CAMK1D: variants seen among roughly 807,000 people sequenced by gnomAD.
CAMK1D encodes the protein calcium/calmodulin dependent protein kinase ID.
CAMK1D carries 9 observed loss-of-function variants against 47.7 expected under a neutral mutation model. That is an observed-to-expected ratio of 0.19 (90% CI 0.11 to 0.33). CAMK1D has a LOEUF of 0.33. Among genes scored for constraint, CAMK1D ranks in the 10% least tolerant of loss-of-function variants. The pLI is 1.00. For synonymous variants in CAMK1D, 184 were observed against 184.9 expected (o/e 0.99, Z 0.04); for missense variants, 291 against 488.7 (o/e 0.60, Z 3.81).
intron 1 of CAMK1D, among the ~76,000 whole-genome samples, chr10:12,362,702 C>T (rs994247121): frequency 2.0e-5 from 3 of 152,148 alleles, no homozygotes; most frequent in Admixed American, 6.6e-5. Flanking sequence ...AGTAGAGACC[C>T]GGTTTCACCG....
chr10:12,603,552 A>C (rs1046921231), intron 2 of CAMK1D, among the ~76,000 whole-genome samples: 2 of 152,098 alleles, frequency 1.3e-5, no homozygotes, highest in Non-Finnish European at 2.9e-5. Flanking sequence ...CCTCCAGTCC[A>C]TCCTGTGCTA....
intron 2 of CAMK1D, among the ~76,000 whole-genome samples, chr10:12,599,345 G>T (rs796238276): frequency 4.6e-5 from 7 of 152,236 alleles, no homozygotes; most frequent in African/African-American, 1.7e-4. Flanking sequence ...TGTAGGTTCT[G>T]GTGGAATAAG....
intron 5 of CAMK1D, among the ~76,000 whole-genome samples, chr10:12,772,912 C>G (rs957843294): frequency 6.6e-6 from 1 of 152,104 alleles, no homozygotes; most frequent in Non-Finnish European, 1.5e-5. Flanking sequence ...ATCTAGAGGA[C>G]ATCCCTTAGG....
chr10:12,753,105 A>G (rs1422425989), intron 3 of CAMK1D, among the ~76,000 whole-genome samples: 1 of 152,024 alleles, frequency 6.6e-6, no homozygotes, highest in African/African-American at 2.4e-5. Context: ...TACAAAAATT[A>G]GCTGGGCATG....
At chr10:12,594,930 G>A (rs1476559851) in intron 2 of CAMK1D, among the ~76,000 whole-genome samples, 2 of 152,148 alleles carry the variant, frequency 1.3e-5, no homozygotes, top group African/African-American at 4.8e-5. Flanking sequence ...GCGGAAAGCA[G>A]AAATGATTCC....
At chr10:12,486,202 A>G (rs1001120636) in intron 1 of CAMK1D, among the ~76,000 whole-genome samples, 1 of 150,104 alleles carries the variant, frequency 6.7e-6, no homozygotes, top group African/African-American at 2.5e-5. Context: ...TCTGTCACCC[A>G]GGCTGGAGTA....
chr10:12,511,610 C>CA (rs1333200368), intron 1 of CAMK1D, among the ~76,000 whole-genome samples: 1 of 152,122 alleles, frequency 6.6e-6, no homozygotes. Context: ...GACCCTGTCT[C>CA]AAAAAACGAA....
At chr10:12,582,479 A>G (rs1837690850) in intron 2 of CAMK1D, among the ~76,000 whole-genome samples, 1 of 152,184 alleles carries the variant, frequency 6.6e-6, no homozygotes, top group Admixed American at 6.5e-5. Context: ...GATCATTTTC[A>G]TAATATTGAT....
At chr10:12,746,637 T>G (rs1835693780) in intron 3 of CAMK1D, among the ~76,000 whole-genome samples, 1 of 152,196 alleles carries the variant, frequency 6.6e-6, no homozygotes, top group Non-Finnish European at 1.5e-5. Context: ...TCTTTCCACA[T>G]TATTTTTTCT....
At chr10:12,799,156 G>A (rs371201255) in intron 6 of CAMK1D, among the ~76,000 whole-genome samples, 20 of 152,142 alleles carry the variant, frequency 1.3e-4, no homozygotes, top group Non-Finnish European at 2.4e-4. Flanking sequence ...AGAAGCCCAC[G>A]ACTCGACGCA....
chr10:12,692,444 CT>C (rs1381851580), intron 3 of CAMK1D, among the ~76,000 whole-genome samples: 2 of 152,020 alleles, frequency 1.3e-5, no homozygotes. Context: ...GTTTATCTTG[CT>C]TTTTCATACA....
At chr10:12,661,436 G>C (rs1840271857) in intron 2 of CAMK1D, among the ~76,000 whole-genome samples, 1 of 152,174 alleles carries the variant, frequency 6.6e-6, no homozygotes, top group Non-Finnish European at 1.5e-5. Context: ...AGCCTCATGG[G>C]ATCTTAGTCT....
intron 3 of CAMK1D, among the ~76,000 whole-genome samples, chr10:12,731,091 G>A (rs1834862121): frequency 6.6e-6 from 1 of 152,206 alleles, no homozygotes; most frequent in Non-Finnish European, 1.5e-5. Flanking sequence ...ATGAGAAAAA[G>A]TACAGTGTAT....
chr10:12,573,639 C>A (rs113788940), intron 2 of CAMK1D, among the ~76,000 whole-genome samples: 1,685 of 151,540 alleles, frequency 0.011, 25 homozygotes, highest in African/African-American at 0.039. Flanking sequence ...TGCCTTCTTT[C>A]TTACGTTTTT....
chr10:12,379,008 C>G (rs1456387789), intron 1 of CAMK1D, among the ~76,000 whole-genome samples: 2 of 152,044 alleles, frequency 1.3e-5, no homozygotes, highest in Non-Finnish European at 2.9e-5. Flanking sequence ...CAAGGTTTCA[C>G]CATATTGGTC....
At chr10:12,703,145 C>T (rs145654811) in intron 3 of CAMK1D, among the ~76,000 whole-genome samples, 1 of 152,262 alleles carries the variant, frequency 6.6e-6, no homozygotes, top group African/African-American at 2.4e-5. Context: ...TCAAATACAC[C>T]CGGGATTTTT....
At chr10:12,540,218 C>T (rs1297044382) in intron 1 of CAMK1D, among the ~76,000 whole-genome samples, 1 of 151,910 alleles carries the variant, frequency 6.6e-6, no homozygotes, top group Non-Finnish European at 1.5e-5. Flanking sequence ...GCGTGAGCCA[C>T]TATGCCTGGC....
At chr10:12,446,550 A>G (rs1340770906) in intron 1 of CAMK1D, among the ~76,000 whole-genome samples, 1 of 152,120 alleles carries the variant, frequency 6.6e-6, no homozygotes, top group Non-Finnish European at 1.5e-5. Context: ...GTGACTTAGC[A>G]TGCCTTAACT....
intron 1 of CAMK1D, among the ~76,000 whole-genome samples, chr10:12,540,902 A>G (rs1260808463): frequency 3.3e-5 from 5 of 151,190 alleles, no homozygotes; most frequent in African/African-American, 9.7e-5. Context: ...GGTCCCAGTT[A>G]ATGAGAACCT....
Sources: allele counts gnomAD v4.1 joint callset (sites outside exome capture counted in the v4.1 genomes callset), GRCh38; gene constraint gnomAD v4.1.1; transcripts MANE v1.5; gene names NCBI Gene and HGNC (gene_info 2026-07-23, HGNC 2026-07-21).